Variants in HACL1 observed in about 807,000 individuals in gnomAD.
HACL1 encodes the protein 2-hydroxyacyl-CoA lyase 1, also known as 1600020H07Rik.
In HACL1, 64 loss-of-function variants were observed where a neutral mutation model predicts 74.2. The observed-to-expected ratio is 0.86, with a 90% CI of 0.70 to 1.06. The LOEUF is 1.06. HACL1 is among the 50% of genes least tolerant of loss of function. The probability of loss-of-function intolerance (pLI) is 0.00; values close to 1 mark genes in which losing one functional copy is unlikely to be tolerated. For missense variants in HACL1, 728 were observed against 719.7 expected (o/e 1.01, Z -0.13); for synonymous variants, 230 against 238.8 (o/e 0.96, Z 0.34).
intron 6 of HACL1, among the ~76,000 whole-genome samples, 176 bp from the exon 7 acceptor site, chr3:15,585,518 A>G (rs1239804698): frequency 6.6e-6 from 1 of 152,042 alleles, no homozygotes; most frequent in Non-Finnish European, 1.5e-5. Flanking sequence ...ATTTTTAAAG[A>G]TTTTTTGTTT....
rs776926843 is a variant in HACL1 at position 15,571,692 on chromosome 3, C to T, written c.1071G>A (p.Met357Ile). 5 of 1,504,630 alleles carry T rather than the reference C, an allele frequency of 3.3e-6. No individual in the cohort carries two copies. The South Asian group carries it at 5.6e-5, about 17-fold the overall frequency. 93.2% of individuals were successfully genotyped at this position (1,504,630 alleles called of 1,614,324 possible). The change falls in exon 12 of 17, where the codon ATG (methionine) becomes ATA (isoleucine). Residue 357 changes from methionine to isoleucine, a missense_variant. Transcript: ENST00000321169. ...SKWWKTLREK[M>I]KSNEAASKEL... is the part of the protein sequence containing the mutation. Reference sequence around the variant, plus strand: ...CCTTGGATGCAGCTTCATTGCTCTTCATTTTTTCTCTCAGAGTTTTCCACC... The same window carrying T: ...CCTTGGATGCAGCTTCATTGCTCTTTATTTTTTCTCTCAGAGTTTTCCACC...
At chr3:15,566,952 T>TG (rs1455623257) in intron 14 of HACL1, among the ~76,000 whole-genome samples, 3 of 151,158 alleles carry the variant, frequency 2.0e-5, no homozygotes. Flanking sequence ...CCCAAATAGC[T>TG]GGGACTATAG....
In HACL1 at chr3:15,591,976, TAC is replaced by T. The variant is rs1418092267; in HGVS notation, c.228-298_228-297del. ...ACACTATATACATAGTGTATATATA[TAC>T]ACACTATATACCTATAGTATATACT... On this transcript the variant is annotated intron_variant, in intron 3 of 16. Coordinates refer to ENST00000321169, the MANE Select transcript of HACL1 (RefSeq NM_012260.4). Among the ~76,000 whole-genome samples, 6 of 149,354 alleles carry T rather than the reference TAC, an allele frequency of 4.0e-5. No homozygotes were observed. In the South Asian group the frequency reaches 8.4e-4, roughly 21 times the overall value.
intron 15 of HACL1, 50 bp from the exon 16 acceptor site, chr3:15,563,594 GA>G: frequency 8.3e-7 from 1 of 1,203,266 alleles, no homozygotes; most frequent in Non-Finnish European, 1.2e-6. Flanking sequence ...AAACCTTGTA[GA>G]AAAAAAGTCA....
intron 6 of HACL1, among the ~76,000 whole-genome samples, chr3:15,585,767 C>T (rs796295663): frequency 8.5e-5 from 13 of 152,118 alleles, no homozygotes; most frequent in African/African-American, 3.1e-4. Context: ...TGTAATTTCA[C>T]GTATAAATGC....
At chr3:15,600,188 G>C (rs2064171763) in intron 2 of HACL1, among the ~76,000 whole-genome samples, 1 of 152,036 alleles carries the variant, frequency 6.6e-6, no homozygotes, top group African/African-American at 2.4e-5. Flanking sequence ...AGGCACTGTG[G>C]TGATATAACA....
intron 16 of HACL1, among the ~76,000 whole-genome samples, chr3:15,561,822 T>G (rs981266434): frequency 1.3e-5 from 2 of 152,156 alleles, no homozygotes; most frequent in Non-Finnish European, 2.9e-5. Flanking sequence ...CAGGGATTAC[T>G]GACATGCACC....
In HACL1 at chr3:15,563,303, G is replaced by C; in HGVS notation, c.1704+55C>G. On this transcript the variant is annotated intron_variant, in intron 16 of 16. Transcript: ENST00000321169. ...TTCTGTTTGGTAGATACTTTTTGGAGGGGGATAGGGGAAGCAGATGCATTT... is the reference window on the plus strand; with the variant it reads ...TTCTGTTTGGTAGATACTTTTTGGACGGGGATAGGGGAAGCAGATGCATTT... 6.8e-6 allele frequency: 8 copies of C among 1,173,728 alleles called. No homozygotes were observed. In the South Asian group the frequency reaches 1.0e-4, roughly 15 times the overall value. 72.7% of individuals were successfully genotyped at this position (1,173,728 alleles called of 1,614,324 possible).
At chr3:15,589,384 C>A (rs576031910) in intron 5 of HACL1, among the ~76,000 whole-genome samples, 156 bp downstream of exon 5, 1 of 152,146 alleles carries the variant, frequency 6.6e-6, no homozygotes, top group Non-Finnish European at 1.5e-5. Context: ...GTAGTCCCAG[C>A]TGCTTGGGAG....
At chr3:15,585,216 GA>G (rs768332646) in intron 7 of HACL1, 31 bp downstream of exon 7, 1 of 1,043,094 alleles carries the variant, frequency 9.6e-7, no homozygotes, top group Non-Finnish European at 1.5e-6. Context: ...CATGTACATT[GA>G]AGAAAGAATT....
chr3:15,589,550 T>G lies in HACL1; in HGVS notation c.371A>C (p.Glu124Ala). 1 of 1,603,906 alleles carries G rather than the reference T, an allele frequency of 6.2e-7. No homozygotes were observed. The highest frequency in any genetic ancestry group is 8.5e-7 in the Non-Finnish European group (1 of 1,171,196). ...RNQETMGAFQ[E>A]FPQVEACRLY... is the part of the protein sequence containing the mutation. Reference sequence around the variant, plus strand: ...CTTAAAGTTGGATACCTGAGGAAACTCCTGGAAAGCTCCCATTGTTTCTTG... The same window carrying G: ...CTTAAAGTTGGATACCTGAGGAAACGCCTGGAAAGCTCCCATTGTTTCTTG... The change falls in exon 5 of 17, where the codon GAG (glutamate) becomes GCG (alanine). Residue 124 changes from glutamate (E) to alanine (A), a missense_variant. Physicochemically the swap from Glu to Ala is moderately radical, Grantham distance 107. Coordinates refer to ENST00000321169, the MANE Select transcript of HACL1 (RefSeq NM_012260.4).
At chr3:15,587,153 T>A (rs1030002420) in intron 5 of HACL1, among the ~76,000 whole-genome samples, 2 of 151,824 alleles carry the variant, frequency 1.3e-5, no homozygotes, top group African/African-American at 2.4e-5. Flanking sequence ...TTTCTCTTGA[T>A]GTTTTAGTAT....
At chr3:15,580,908 T>C (rs903133781) in intron 8 of HACL1, among the ~76,000 whole-genome samples, 1 of 152,222 alleles carries the variant, frequency 6.6e-6, no homozygotes, top group Non-Finnish European at 1.5e-5. Context: ...ATCTTTTTTG[T>C]TGTTGTTGTT....
intron 8 of HACL1, among the ~76,000 whole-genome samples, chr3:15,581,067 A>G (rs1374680150): frequency 1.3e-5 from 2 of 152,108 alleles, no homozygotes; most frequent in African/African-American, 4.8e-5. Flanking sequence ...ACGCCCAGCT[A>G]ATTTTTGTAT....
chr3:15,564,478 A>C, intron 15 of HACL1, 73 bp downstream of exon 15: 3 of 720,706 alleles, frequency 4.2e-6, no homozygotes, highest in Admixed American at 4.5e-5. Context: ...ATTACTGCCA[A>C]TATAGAAGAC....
chr3:15,571,078 A>G (rs2063519661), intron 12 of HACL1, among the ~76,000 whole-genome samples: 1 of 152,076 alleles, frequency 6.6e-6, no homozygotes, highest in African/African-American at 2.4e-5. Context: ...TCCTAGAGTC[A>G]AGCAATCCTC....
intron 12 of HACL1, among the ~76,000 whole-genome samples, chr3:15,569,372 GAT>G (rs2063485148): frequency 6.6e-6 from 1 of 152,230 alleles, no homozygotes; most frequent in African/African-American, 2.4e-5. Flanking sequence ...GATTAGTCAT[GAT>G]ATGACTCAGG....
At chr3:15,568,328 A>G in intron 13 of HACL1, 104 bp downstream of exon 13, 1 of 755,940 alleles carries the variant, frequency 1.3e-6, no homozygotes, top group East Asian at 2.5e-5. Context: ...CTTACATACT[A>G]AACATGTATT....
intron 3 of HACL1, among the ~76,000 whole-genome samples, chr3:15,592,166 ACATG>A (rs1311359329): frequency 6.7e-6 from 1 of 150,138 alleles, no homozygotes; most frequent in Non-Finnish European, 1.5e-5. Context: ...ATATACGTAT[ACATG>A]CATGTATATA....
Sources: allele counts gnomAD v4.1 joint callset (sites outside exome capture counted in the v4.1 genomes callset), GRCh38; gene constraint gnomAD v4.1.1; transcripts MANE v1.5; gene names NCBI Gene and HGNC (gene_info 2026-07-23, HGNC 2026-07-21).